ULK4: variants seen among roughly 807,000 people sequenced by gnomAD.
The protein encoded by ULK4 is inactive serine/threonine-protein kinase ULK4.
ULK4 carries 133 observed loss-of-function variants against 160.6 expected under a neutral mutation model. The observed-to-expected ratio is 0.83, with a 90% confidence interval of 0.72 to 0.96. The LOEUF (loss-of-function observed/expected upper bound fraction) is 0.96, where lower values mean the gene tolerates loss of function less well. ULK4 is among the 40% of genes least tolerant of loss of function. The pLI is 0.00. For synonymous variants in ULK4, 534 were observed against 539.8 expected (o/e 0.99, Z 0.15); for missense variants, 1,580 against 1,499.5 (o/e 1.05, Z -0.89).
intron 16 of ULK4, among the ~76,000 whole-genome samples, chr3:41,893,934 G>A (rs964186688): frequency 2.0e-5 from 3 of 152,138 alleles, no homozygotes; most frequent in Admixed American, 2.0e-4. Flanking sequence ...CAGAGAAAAC[G>A]TCGCTGGAAG....
chr3:41,825,009 TA>T (rs1266554316), intron 18 of ULK4, among the ~76,000 whole-genome samples: 2 of 152,184 alleles, frequency 1.3e-5, no homozygotes, highest in African/African-American at 4.8e-5. Context: ...TGTTCACCAA[TA>T]TCCGCTGTTC....
chr3:41,859,765 C>A (rs2139800), intron 17 of ULK4, among the ~76,000 whole-genome samples: 2 of 151,720 alleles, frequency 1.3e-5, no homozygotes, highest in Non-Finnish European at 2.9e-5. Flanking sequence ...TCAAGCAATT[C>A]TCCTGCCTTG....
intron 31 of ULK4, among the ~76,000 whole-genome samples, chr3:41,580,719 G>A (rs970864439): frequency 6.6e-6 from 1 of 152,180 alleles, no homozygotes; most frequent in Non-Finnish European, 1.5e-5. Flanking sequence ...CGGGTGCACA[G>A]CTGGGAGCCC....
At chr3:41,679,675 C>A (rs1361047758) in intron 29 of ULK4, among the ~76,000 whole-genome samples, 1 of 152,140 alleles carries the variant, frequency 6.6e-6, no homozygotes, top group Non-Finnish European at 1.5e-5. Flanking sequence ...TTTTATTTCA[C>A]AAACTGTTCC....
intron 35 of ULK4, among the ~76,000 whole-genome samples, chr3:41,372,449 T>C (rs975838390): frequency 3.3e-5 from 5 of 152,188 alleles, no homozygotes; most frequent in Non-Finnish European, 7.3e-5. Context: ...CAGATATCTC[T>C]GCAGAAACCC....
intron 32 of ULK4, among the ~76,000 whole-genome samples, chr3:41,557,716 G>C (rs987207823): frequency 2.0e-5 from 3 of 151,888 alleles, no homozygotes; most frequent in Admixed American, 6.6e-5. Context: ...AATAAGCTCT[G>C]ATTGTGTTAC....
chr3:41,492,898 C>T (rs1328161930), intron 32 of ULK4, among the ~76,000 whole-genome samples: 2 of 143,632 alleles, frequency 1.4e-5, no homozygotes, highest in Non-Finnish European at 3.0e-5. Context: ...TATATATGCA[C>T]CCAATACAGG....
intron 1 of ULK4, among the ~76,000 whole-genome samples, chr3:41,961,550 A>ACCGCC (rs1700669195): frequency 8.0e-6 from 1 of 124,692 alleles, no homozygotes; most frequent in African/African-American, 4.3e-5. Context: ...GTAGTCACTC[A>ACCGCC]CCCCCCCCCC....
At chr3:41,529,260 A>G (rs1026461509) in intron 32 of ULK4, among the ~76,000 whole-genome samples, 2 of 152,172 alleles carry the variant, frequency 1.3e-5, no homozygotes, top group African/African-American at 4.8e-5. Flanking sequence ...AAAACGAGAA[A>G]AATTTCTAAA....
intron 35 of ULK4, among the ~76,000 whole-genome samples, chr3:41,350,497 T>A (rs1253217636): frequency 6.6e-6 from 1 of 152,210 alleles, no homozygotes; most frequent in African/African-American, 2.4e-5. Flanking sequence ...AAACTACAAT[T>A]TGACGGCTTG....
At chr3:41,913,856 G>C (rs543083802) in intron 8 of ULK4, among the ~76,000 whole-genome samples, 65 of 152,222 alleles carry the variant, frequency 4.3e-4, no homozygotes, top group African/African-American at 1.4e-3. Context: ...CCAGCTACTT[G>C]GGAGGCTGAG....
At position 41,829,157 on chromosome 3, in the gene ULK4, A is replaced by G. The variant is rs527398154; in HGVS notation, c.1764+6707T>C. 3.2e-4 allele frequency among the ~76,000 whole-genome samples: 48 copies of G among 150,960 alleles called. 2 individuals are homozygous for G. The South Asian group carries it at 8.0e-3, about 25-fold the overall frequency. ...CACAAAAATTAATTCAAGATGGATTAAAGACTTAAATGTTAGACCTAAAAC... is the reference window on the plus strand; with the variant it reads ...CACAAAAATTAATTCAAGATGGATTGAAGACTTAAATGTTAGACCTAAAAC... On this transcript the variant is annotated intron_variant, in intron 18 of 36. Coordinates refer to ENST00000301831, the MANE Select transcript of ULK4 (RefSeq NM_017886.4).
chr3:41,771,793 T>C (rs1272686606), intron 21 of ULK4, among the ~76,000 whole-genome samples: 1 of 152,216 alleles, frequency 6.6e-6, no homozygotes, highest in Non-Finnish European at 1.5e-5. Flanking sequence ...AGTACATATA[T>C]AATACCAATC....
At position 41,493,455 on chromosome 3, in the gene ULK4, A is replaced by G. The variant is rs1420293084; in HGVS notation, c.3227-30202T>C. ...TGTGTAGAGGGAAATTTATAGCACT[A>G]AATGCCCACAAGAGAAAGCAAGAAA... On this transcript the variant is annotated intron_variant, in intron 32 of 36. Transcript: ENST00000301831. Among the ~76,000 whole-genome samples the G allele has an allele frequency of 1.5e-5, 2 of 129,708 alleles. 1 individual carries two copies. Among genetic ancestry groups the G allele is most frequent in the Non-Finnish European group, 3.4e-5 (2 of 58,242 alleles). 85.1% of individuals were successfully genotyped at this position (129,708 alleles called of 152,430 possible).
At chr3:41,734,894 C>T (rs1043885232) in intron 22 of ULK4, among the ~76,000 whole-genome samples, 3 of 152,254 alleles carry the variant, frequency 2.0e-5, no homozygotes, top group African/African-American at 4.8e-5. Context: ...AAAAGGAAAA[C>T]GCTGACCAGT....
rs149008939 is a variant in ULK4 at position 41,490,654 on chromosome 3, C to T, written c.3227-27401G>A. On this transcript the variant is annotated intron_variant, in intron 32 of 36. Coordinates refer to ENST00000301831, the MANE Select transcript of ULK4 (RefSeq NM_017886.4). ...CAAAGAATGGAACTCTATTTGAAGG[C>T]AAAACACATTTTTAAAATATTGAAT... Among the ~76,000 whole-genome samples, 686 of 152,274 alleles carry T rather than the reference C, an allele frequency of 4.5e-3. 4 individuals carry two copies. Among genetic ancestry groups the T allele is most frequent in the Middle Eastern group, 0.024 (7 of 294 alleles).
At chr3:41,512,997 A>G (rs1359027663) in intron 32 of ULK4, among the ~76,000 whole-genome samples, 1 of 41,430 alleles carries the variant, frequency 2.4e-5, no homozygotes, top group African/African-American at 4.4e-5. Flanking sequence ...GTAACTTACT[A>G]ATCAGCTAAC....
intron 29 of ULK4, among the ~76,000 whole-genome samples, chr3:41,665,360 T>C (rs1038484050): frequency 1.3e-5 from 2 of 151,896 alleles, no homozygotes; most frequent in African/African-American, 4.8e-5. Context: ...AAAAAAGCAG[T>C]CCCAAGAACC....
At chr3:41,750,961 C>CA (rs200240053) in intron 22 of ULK4, among the ~76,000 whole-genome samples, 7,458 of 97,646 alleles carry the variant, frequency 0.076, 695 homozygotes, top group African/African-American at 0.24. Context: ...GACTCCACCT[C>CA]AAAAAAAAAA....
Sources: gnomAD v4.1 joint callset for allele counts (sites outside exome capture counted in the v4.1 genomes callset) on GRCh38, gnomAD v4.1.1 for gene constraint, MANE v1.5 for transcripts, NCBI Gene and HGNC (gene_info 2026-07-23, HGNC 2026-07-21) for gene names.